The following DRC4 variants were observed in gnomAD, a reference collection of about 807,000 sequenced individuals.
DRC4 encodes the protein GAS-11.
chr16:90,029,668 T>C, the DRC4 span: 1 of 219,424 alleles, frequency 4.6e-6, no homozygotes, highest in Non-Finnish European at 1.0e-5. Context: ...CGTTGTCTTG[T>C]CTTCTTTTGA....
At chr16:90,037,330 G>A in the DRC4 span, 1 of 1,614,112 alleles carries the variant, frequency 6.2e-7, no homozygotes, top group Non-Finnish European at 8.5e-7. Flanking sequence ...CTCTCCAGAA[G>A]GCTCGGGAGG....
At chr16:90,036,022 A>T in the DRC4 span, 2 of 940,750 alleles carry the variant, frequency 2.1e-6, no homozygotes, top group Non-Finnish European at 3.0e-6. Flanking sequence ...AGAAGGCTCC[A>T]ATTTCAGAAG....
At chr16:90,026,099 C>A in the DRC4 span, among the ~76,000 whole-genome samples, 4 of 152,096 alleles carry the variant, frequency 2.6e-5, no homozygotes, top group East Asian at 7.7e-4. Flanking sequence ...CCAGCTTGGG[C>A]GACAGAGCAA....
chr16:90,020,305 C>CAAA, the DRC4 span: 6,090 of 316,074 alleles, frequency 0.019, 103 homozygotes, highest in African/African-American at 0.077. Context: ...TTGTATGTCT[C>CAAA]AAAAAAAAAA....
the DRC4 span, among the ~76,000 whole-genome samples, chr16:90,024,170 G>C: frequency 5.6e-5 from 7 of 124,896 alleles, no homozygotes; most frequent in Non-Finnish European, 1.3e-4. Flanking sequence ...AATTAGCCGG[G>C]TGTGGTGGTA....
chr16:90,044,296 C>T, the DRC4 span: 1 of 431,166 alleles, frequency 2.3e-6, no homozygotes, highest in South Asian at 1.6e-5. Flanking sequence ...TGACCCTGGG[C>T]AGGTGAGTGA....
At chr16:90,031,111 C>T in the DRC4 span, 2 of 1,325,636 alleles carry the variant, frequency 1.5e-6, no homozygotes, top group Non-Finnish European at 2.0e-6. Flanking sequence ...GAGAATTCTG[C>T]CACCTGCTGA....
the DRC4 span, chr16:90,028,876 C>A: frequency 8.7e-7 from 1 of 1,149,586 alleles, no homozygotes; most frequent in Non-Finnish European, 1.1e-6. Flanking sequence ...GTCTCATGAC[C>A]TGAAGTTGGA....
the DRC4 span, chr16:90,037,788 G>C: frequency 1.9e-6 from 3 of 1,614,178 alleles, no homozygotes; most frequent in African/African-American, 4.0e-5. Flanking sequence ...TGAAAGTCAG[G>C]GAGAAAGAGC....
chr16:90,026,918 CA>C, the DRC4 span, among the ~76,000 whole-genome samples: 1 of 147,052 alleles, frequency 6.8e-6, no homozygotes, highest in Non-Finnish European at 1.5e-5. Flanking sequence ...TTTTAAGTTA[CA>C]GTTTGCTTTT....
the DRC4 span, among the ~76,000 whole-genome samples, chr16:90,039,467 C>T: frequency 8.6e-6 from 1 of 115,646 alleles, no homozygotes; most frequent in Non-Finnish European, 1.7e-5. Flanking sequence ...CTCACTGCAA[C>T]CTCCACCTCC....
the DRC4 span, among the ~76,000 whole-genome samples, chr16:90,033,558 T>G: frequency 6.6e-6 from 1 of 152,142 alleles, no homozygotes; most frequent in African/African-American, 2.4e-5. Flanking sequence ...TTCAGCTACT[T>G]GGGAGGCTGA....
chr16:90,040,352 A>T, the DRC4 span: 7 of 1,606,648 alleles, frequency 4.4e-6, no homozygotes, highest in Admixed American at 6.8e-5. Context: ...GCCATCCAGG[A>T]GGTGCAGCAG....
At chr16:90,029,589 G>A in the DRC4 span, 1 of 292,490 alleles carries the variant, frequency 3.4e-6, no homozygotes. Context: ...ATTCGGGGGT[G>A]CGTGTCTCCC....
At chr16:90,027,175 C>CGT in the DRC4 span, among the ~76,000 whole-genome samples, 3 of 149,706 alleles carry the variant, frequency 2.0e-5, no homozygotes, top group South Asian at 6.3e-4. Flanking sequence ...AAACTCCATG[C>CGT]CCCAGGTTCA....
chr16:90,029,237 T>G, the DRC4 span: 1 of 1,183,688 alleles, frequency 8.4e-7, no homozygotes, highest in Non-Finnish European at 1.1e-6. Context: ...GCACTGCACA[T>G]CGCACGTTGA....
At chr16:90,032,816 A>G in the DRC4 span, 95 of 1,613,990 alleles carry the variant, frequency 5.9e-5, no homozygotes, top group Non-Finnish European at 6.9e-5. Flanking sequence ...TGGCACAGAA[A>G]GAGCACCGCA....
At chr16:90,033,700 T>A in the DRC4 span, among the ~76,000 whole-genome samples, 1 of 152,066 alleles carries the variant, frequency 6.6e-6, no homozygotes, top group African/African-American at 2.4e-5. Context: ...GTCCATTAGC[T>A]GCTAGGTCCT....
At chr16:90,020,772 C>G in the DRC4 span, 2 of 152,232 alleles carry the variant, frequency 1.3e-5, no homozygotes, top group Non-Finnish European at 2.9e-5. Context: ...TCTAGGCTAT[C>G]CTGAGCTAAC....
Sources: allele counts gnomAD v4.1 joint callset (sites outside exome capture counted in the v4.1 genomes callset), GRCh38; gene constraint gnomAD v4.1.1; transcripts MANE v1.5; gene names NCBI Gene and HGNC (gene_info 2026-07-23, HGNC 2026-07-21).